CGGBP1: variants seen among roughly 807,000 people sequenced by gnomAD.
CGGBP1 encodes the protein CGG triplet repeat-binding protein 1.
Under a neutral mutation model 11.4 loss-of-function variants are expected in CGGBP1, and 4 were observed. That is an observed-to-expected ratio of 0.35 (90% CI 0.17 to 0.80). The LOEUF (loss-of-function observed/expected upper bound fraction) is 0.80, where lower values mean the gene tolerates loss of function less well. CGGBP1 is among the 30% of genes least tolerant of loss of function. CGGBP1 has a pLI of 0.52. For missense variants in CGGBP1, 135 were observed against 202.1 expected (o/e 0.67, Z 2.01); for synonymous variants, 76 against 74.1 (o/e 1.03, Z -0.13).
chr3:88,063,274 C>A (rs1576177428), upstream of CGGBP1, among the ~76,000 whole-genome samples: 1 of 152,110 alleles, frequency 6.6e-6, no homozygotes, highest in South Asian at 2.1e-4. Context: ...TGTACCCTTA[C>A]TTTGGGACTC....
chr3:88,096,594 G>A (rs1193600021), intron 2 of CGGBP1, among the ~76,000 whole-genome samples: 3 of 152,066 alleles, frequency 2.0e-5, no homozygotes, highest in Non-Finnish European at 4.4e-5. Flanking sequence ...CTTTAAAGAA[G>A]TCCATCCAGT....
chr3:88,095,864 A>T (rs1392661105), intron 2 of CGGBP1: 1 of 453,620 alleles, frequency 2.2e-6, no homozygotes, highest in Non-Finnish European at 4.2e-6. Flanking sequence ...ACTTCAGCAG[A>T]TACTCCACTT....
intron 1 of CGGBP1, among the ~76,000 whole-genome samples, chr3:88,146,591 T>G (rs1284270257): frequency 6.6e-6 from 1 of 152,192 alleles, no homozygotes; most frequent in Non-Finnish European, 1.5e-5. Flanking sequence ...TACATCCCAT[T>G]GATACAGAAT....
chr3:88,075,287 C>T lies in CGGBP1; in HGVS notation c.-228-17064G>A, dbSNP rs1339106065. ...CGCTTCAAGCATAGTCATTTCCTTGCAGCCTCCACAACCTGTGTTCTGCTC... is the reference window on the plus strand; with the variant it reads ...CGCTTCAAGCATAGTCATTTCCTTGTAGCCTCCACAACCTGTGTTCTGCTC... On this transcript the variant is annotated intron_variant, in intron 2 of 3. Coordinates refer to the CGGBP1 transcript ENST00000462901. Among the ~76,000 whole-genome samples the T allele has an allele frequency of 3.9e-5, 6 of 152,238 alleles. No individual in the cohort carries two copies. In the East Asian group the frequency reaches 9.6e-4, roughly 24 times the overall value.
At chr3:88,059,641 C>T (rs73844841), upstream of CGGBP1, 548 of 1,310,870 alleles carry the variant, frequency 4.2e-4, 2 homozygotes, top group African/African-American at 7.8e-3. Flanking sequence ...GCTGAAGCTC[C>T]CTCCTCCACT....
chr3:88,067,829 A>G (rs181111587), intron 2 of CGGBP1, among the ~76,000 whole-genome samples: 45 of 152,222 alleles, frequency 3.0e-4, no homozygotes, highest in African/African-American at 1.1e-3. Flanking sequence ...AAGGAGAAGG[A>G]AAGATATGGT....
At chr3:88,066,070 A>C (rs1707181656) in intron 2 of CGGBP1, among the ~76,000 whole-genome samples, 1 of 152,192 alleles carries the variant, frequency 6.6e-6, no homozygotes, top group Admixed American at 6.5e-5. Flanking sequence ...ATACAAGATT[A>C]TTTTGAGTAT....
chr3:88,130,549 CAAGT>C (rs1298418862), intron 2 of CGGBP1, among the ~76,000 whole-genome samples: 7 of 151,396 alleles, frequency 4.6e-5, no homozygotes, highest in African/African-American at 1.7e-4. Context: ...CTTCTGGGCT[CAAGT>C]GATTTTCCCG....
At chr3:88,085,799 G>A (rs1708308607) in intron 2 of CGGBP1, among the ~76,000 whole-genome samples, 1 of 152,054 alleles carries the variant, frequency 6.6e-6, no homozygotes, top group African/African-American at 2.4e-5. Context: ...TTCATAATCA[G>A]TATCATGTCA....
rs1388010877 is a variant in CGGBP1 at position 88,129,891 on chromosome 3, G to T, written c.-229+11079C>A. 2.3e-6 allele frequency: 3 copies of T among 1,298,386 alleles called. No individual in the cohort carries two copies. In the African/African-American group the frequency reaches 4.4e-5, roughly 19 times the overall value. The allele number at this position is 1,298,386 out of a possible 1,614,324, so 80.4% of individuals were successfully genotyped here. ...GGCAACAGAAAGGAAATTGCAGTTTGAACTTTGTTTTTTACATTGTATGAA... is the reference window on the plus strand; with the variant it reads ...GGCAACAGAAAGGAAATTGCAGTTTTAACTTTGTTTTTTACATTGTATGAA... On this transcript the variant is annotated intron_variant, in intron 2 of 3. Coordinates refer to the CGGBP1 transcript ENST00000462901.
intron 2 of CGGBP1, among the ~76,000 whole-genome samples, chr3:88,131,017 T>G (rs1404047727): frequency 6.6e-6 from 1 of 152,150 alleles, no homozygotes; most frequent in Non-Finnish European, 1.5e-5. Context: ...TGGGGATATA[T>G]TCTAAGTAAT....
intron 2 of CGGBP1, among the ~76,000 whole-genome samples, chr3:88,102,042 G>A (rs1438948482): frequency 6.6e-6 from 1 of 151,504 alleles, no homozygotes; most frequent in African/African-American, 2.4e-5. Context: ...ATGTATTCTG[G>A]ATATACACTC....
chr3:88,146,002 A>G (rs1456430297), intron 1 of CGGBP1, among the ~76,000 whole-genome samples: 1 of 152,222 alleles, frequency 6.6e-6, no homozygotes, highest in Non-Finnish European at 1.5e-5. Context: ...AGTGGATCTA[A>G]TAATCCACAT....
At chr3:88,100,194 C>T (rs987162298) in intron 2 of CGGBP1, among the ~76,000 whole-genome samples, 1 of 152,186 alleles carries the variant, frequency 6.6e-6, no homozygotes, top group Non-Finnish European at 1.5e-5. Context: ...CAAAAGAAGA[C>T]ATTTATGCAG....
At chr3:88,134,932 G>C in intron 2 of CGGBP1, 1 of 525,678 alleles carries the variant, frequency 1.9e-6, no homozygotes, top group Non-Finnish European at 3.0e-6. Flanking sequence ...GTAGTTTGGG[G>C]GTGAACGTAA....
At chr3:88,130,505 A>G (rs954371168) in intron 2 of CGGBP1, among the ~76,000 whole-genome samples, 1 of 151,982 alleles carries the variant, frequency 6.6e-6, no homozygotes, top group Non-Finnish European at 1.5e-5. Context: ...AGGCTAGAAT[A>G]CAGTGGTGCG....
chr3:88,080,150 A>G (rs925813460), intron 2 of CGGBP1, among the ~76,000 whole-genome samples: 5 of 152,062 alleles, frequency 3.3e-5, no homozygotes, highest in Non-Finnish European at 7.4e-5. Context: ...TAGGATATGC[A>G]TTGTTTGTCA....
At chr3:88,097,667 G>C (rs1704142311) in intron 2 of CGGBP1, among the ~76,000 whole-genome samples, 1 of 151,390 alleles carries the variant, frequency 6.6e-6, no homozygotes, top group African/African-American at 2.5e-5. Flanking sequence ...TAGAACTCAG[G>C]ATTAAGAAAC....
chr3:88,098,929 C>T (rs1704230385), intron 2 of CGGBP1, among the ~76,000 whole-genome samples: 1 of 152,080 alleles, frequency 6.6e-6, no homozygotes, highest in Non-Finnish European at 1.5e-5. Context: ...CTGGCACAAG[C>T]AGGGATGCCC....
Sources: gnomAD v4.1 joint callset for allele counts (sites outside exome capture counted in the v4.1 genomes callset) on GRCh38, gnomAD v4.1.1 for gene constraint, MANE v1.5 for transcripts, NCBI Gene and HGNC (gene_info 2026-07-23, HGNC 2026-07-21) for gene names.